The following RBFOX1 variants were observed in gnomAD, a reference collection of about 807,000 sequenced individuals.
RBFOX1 encodes RNA binding fox-1 homolog 1.
Under a neutral mutation model 57.7 loss-of-function variants are expected in RBFOX1, and 8 were observed. The ratio of observed to expected loss-of-function variants is 0.14; its 90% CI spans 0.08 to 0.25. The LOEUF is 0.25. Ranked by LOEUF, RBFOX1 falls within the 10% of genes least tolerant of loss-of-function variation. The pLI, the probability that RBFOX1 is intolerant of heterozygous loss-of-function variation, is 1.00. For missense variants in RBFOX1, 611 were observed against 548.5 expected (o/e 1.11, Z -1.14); for synonymous variants, 326 against 222.4 (o/e 1.47, Z -4.15).
intron 1 of RBFOX1, among the ~76,000 whole-genome samples, chr16:5,291,456 G>A (rs995666113): frequency 7.8e-4 from 118 of 152,114 alleles, no homozygotes; most frequent in African/African-American, 2.7e-3. Context: ...GTGGAGACGG[G>A]GTTTCACCCT....
At chr16:6,035,456 C>G (rs1596552454) in intron 1 of RBFOX1, among the ~76,000 whole-genome samples, 1 of 152,200 alleles carries the variant, frequency 6.6e-6, no homozygotes, top group East Asian at 1.9e-4. Flanking sequence ...CCCAACAAGA[C>G]TTTGTCTTTT....
chr16:7,166,725 T>G (rs1470280313), intron 4 of RBFOX1, among the ~76,000 whole-genome samples: 1 of 152,038 alleles, frequency 6.6e-6, no homozygotes, highest in African/African-American at 2.4e-5. Flanking sequence ...CTAACCGGCA[T>G]GTCAAGGCAG....
At chr16:5,364,558 T>C (rs891282845) in intron 1 of RBFOX1, among the ~76,000 whole-genome samples, 16 of 152,224 alleles carry the variant, frequency 1.1e-4, no homozygotes, top group Non-Finnish European at 5.9e-5. Context: ...GATTTTTCTC[T>C]TTGTGATGAT....
intron 4 of RBFOX1, among the ~76,000 whole-genome samples, chr16:5,954,284 G>A (rs1207182925): frequency 3.3e-5 from 5 of 152,150 alleles, no homozygotes; most frequent in Non-Finnish European, 7.4e-5. Flanking sequence ...CACCTCTGGA[G>A]AGATGGACAG....
rs1031101396 is a variant in RBFOX1, at chr16:6,309,806, A to C, written c.-126-7189A>C. 3.3e-5 allele frequency among the ~76,000 whole-genome samples: 5 copies of C among 152,204 alleles called. No individual in the cohort carries two copies. In the East Asian group the frequency reaches 9.6e-4, roughly 29 times the overall value. On this transcript the variant is annotated intron_variant, in intron 1 of 15. Transcript: ENST00000550418. The stretch of plus-strand genomic sequence containing the variant: ...CCTTGTTGAATGGGCAAATGCAGCC[A>C]AATTAAATGCAGCAGAAACACTAAT...
At chr16:7,065,746 A>G (rs1225242012) in intron 4 of RBFOX1, among the ~76,000 whole-genome samples, 1 of 152,154 alleles carries the variant, frequency 6.6e-6, no homozygotes, top group African/African-American at 2.4e-5. Context: ...AGTAGATCTG[A>G]TGAACTCATT....
chr16:5,434,637 C>T lies in RBFOX1; in HGVS notation c.220-32579C>T, dbSNP rs754408534. ...CCCAGCCTTGTTGTGAGTTCTCCTTCGTGCCTCTAAATTGTGTGCTAATAA... is the reference window on the plus strand; with the variant it reads ...CCCAGCCTTGTTGTGAGTTCTCCTTTGTGCCTCTAAATTGTGTGCTAATAA... On this transcript the variant is annotated intron_variant, in intron 1 of 2. Transcript: ENST00000585867. Among the ~76,000 whole-genome samples the T allele has an allele frequency of 5.7e-4, 86 of 152,032 alleles. 1 individual carries two copies. The highest frequency in any genetic ancestry group is 8.3e-4 in the South Asian group (4 of 4,820).
At chr16:5,890,947 C>T (rs2159307) in intron 4 of RBFOX1, among the ~76,000 whole-genome samples, 97,874 of 151,964 alleles carry the variant, frequency 0.64, 32,401 homozygotes, top group African/African-American at 0.8. Flanking sequence ...TTGCTTCATC[C>T]GCCTGGATCT....
chr16:6,087,623 G>C (rs1173796783), intron 1 of RBFOX1, among the ~76,000 whole-genome samples: 2 of 151,632 alleles, frequency 1.3e-5, no homozygotes, highest in Non-Finnish European at 2.9e-5. Context: ...TGCAGCATAG[G>C]AAACTCATTC....
chr16:5,390,000 G>T (rs2066360829), intron 1 of RBFOX1, among the ~76,000 whole-genome samples: 1 of 151,862 alleles, frequency 6.6e-6, no homozygotes. Flanking sequence ...TGCCCGGCCT[G>T]CTTTTCTTTT....
At chr16:6,108,421 G>C (rs74004745) in intron 1 of RBFOX1, among the ~76,000 whole-genome samples, 6,519 of 152,212 alleles carry the variant, frequency 0.043, 230 homozygotes, top group African/African-American at 0.092. Flanking sequence ...ATGCAACATA[G>C]CTATGTGTTT....
At chr16:5,363,880 C>T (rs1198111041) in intron 1 of RBFOX1, among the ~76,000 whole-genome samples, 1 of 152,190 alleles carries the variant, frequency 6.6e-6, no homozygotes, top group African/African-American at 2.4e-5. Flanking sequence ...TCTGCCTAGG[C>T]GTTTGCCCTG....
chr16:5,454,898 CTTTCTTTCTTTCTTTCCTTTGTTT>C (rs2068555688), intron 1 of RBFOX1, among the ~76,000 whole-genome samples: 5 of 66,522 alleles, frequency 7.5e-5, no homozygotes, highest in Non-Finnish European at 7.0e-5. Context: ...TTCTTTCTTT[CTTTCTTTCTTTCTTTCCTTTGTTT>C]CTTTCTTCCT....
At chr16:7,448,925 C>CTTTTTTT (rs1491185704) in intron 4 of RBFOX1, among the ~76,000 whole-genome samples, 7 of 28,774 alleles carry the variant, frequency 2.4e-4, no homozygotes, top group African/African-American at 7.3e-4. Context: ...TTTCTTTCCC[C>CTTTTTTT]TGTTTTTTTT....
chr16:7,185,119 A>T (rs1386279047), intron 4 of RBFOX1, among the ~76,000 whole-genome samples: 1 of 152,192 alleles, frequency 6.6e-6, no homozygotes, highest in Non-Finnish European at 1.5e-5. Flanking sequence ...ACAGTGGGGT[A>T]TTATGGAAGA....
rs199548694 is a variant in RBFOX1, at chr16:7,407,400, G to C, written c.28-110747G>C. ...TGTGTGTGTGTGTGTGTGTGTGTGT[G>C]TGTGTATGTGTGTGGTGCAGAGAAG... On this transcript the variant is annotated intron_variant, in intron 4 of 15. Coordinates refer to ENST00000550418, the MANE Select transcript of RBFOX1 (RefSeq NM_018723.4). Among the ~76,000 whole-genome samples, 991 of 142,894 alleles carry C rather than the reference G, an allele frequency of 6.9e-3. 5 individuals are homozygous for C. The highest frequency in any genetic ancestry group is 0.019 in the Middle Eastern group (5 of 266). The allele number at this position is 142,894 out of a possible 152,430, so 93.7% of individuals were successfully genotyped here.
At chr16:6,558,157 G>T (rs1452934887) in intron 2 of RBFOX1, among the ~76,000 whole-genome samples, 1 of 152,148 alleles carries the variant, frequency 6.6e-6, no homozygotes, top group Non-Finnish European at 1.5e-5. Flanking sequence ...TTGCCCAGAA[G>T]CCTGGGAGGA....
At chr16:5,738,135 C>T (rs1030763678) in intron 3 of RBFOX1, among the ~76,000 whole-genome samples, 7 of 151,736 alleles carry the variant, frequency 4.6e-5, no homozygotes, top group Middle Eastern at 3.4e-3. Flanking sequence ...TGTTAGTTTG[C>T]TGAGAATGAT....
intron 4 of RBFOX1, among the ~76,000 whole-genome samples, chr16:7,156,095 C>G (rs2077060592): frequency 1.3e-5 from 2 of 152,010 alleles, no homozygotes; most frequent in East Asian, 1.9e-4. Context: ...TGGTCTCAAA[C>G]TCCTGGGCTT....
Sources: gnomAD v4.1 joint callset for allele counts (sites outside exome capture counted in the v4.1 genomes callset) on GRCh38, gnomAD v4.1.1 for gene constraint, MANE v1.5 for transcripts, NCBI Gene and HGNC (gene_info 2026-07-23, HGNC 2026-07-21) for gene names.